IRAK2: variants seen among roughly 807,000 people sequenced by gnomAD.
IRAK2 encodes the protein interleukin 1 receptor associated kinase 2.
A neutral mutation model predicts 72.0 loss-of-function variants in IRAK2; 57 were observed. That is an observed-to-expected ratio of 0.79 (90% CI 0.64 to 0.99). The LOEUF (loss-of-function observed/expected upper bound fraction) is 0.99. Ranked by LOEUF, IRAK2 falls within the 50% of genes least tolerant of loss-of-function variation. The probability of loss-of-function intolerance (pLI) is 0.00; values close to 1 mark genes in which losing one functional copy is unlikely to be tolerated. For synonymous variants in IRAK2, 293 were observed against 312.7 expected, an observed-to-expected ratio of 0.94 and a Z score of 0.67; for missense variants, 790 against 794.4, an observed-to-expected ratio of 0.99 and a Z score of 0.07.
intron 8 of IRAK2, among the ~76,000 whole-genome samples, chr3:10,220,458 T>C (rs1697670309): frequency 3.9e-5 from 6 of 152,164 alleles, no homozygotes; most frequent in Admixed American, 3.3e-4. Flanking sequence ...TTTTTGTTTT[T>C]TGAGACGGAG....
intron 9 of IRAK2, among the ~76,000 whole-genome samples, chr3:10,223,180 A>G (rs991542058): frequency 6.6e-6 from 1 of 152,168 alleles, no homozygotes; most frequent in Non-Finnish European, 1.5e-5. Context: ...AGGTTCTAGT[A>G]GGCTCCAGAT....
chr3:10,202,873 A>G (rs1559446319), intron 3 of IRAK2, among the ~76,000 whole-genome samples: 1 of 151,684 alleles, frequency 6.6e-6, no homozygotes, highest in African/African-American at 2.4e-5. Context: ...TTATTTTTGT[A>G]AAGATGGGAT....
chr3:10,185,410 A>T (rs1697058811), intron 2 of IRAK2, among the ~76,000 whole-genome samples: 1 of 150,456 alleles, frequency 6.6e-6, no homozygotes, highest in South Asian at 2.1e-4. Context: ...ACACAAAATT[A>T]GCCGGGCGTG....
intron 3 of IRAK2, among the ~76,000 whole-genome samples, chr3:10,207,431 G>T (rs530038904): frequency 1.7e-4 from 26 of 152,268 alleles, no homozygotes; most frequent in African/African-American, 6.3e-4. Flanking sequence ...GGCTTCCTAG[G>T]TATTTCCAGA....
rs199769069 is a variant in IRAK2, at chr3:10,165,071, A to G, written c.94+23A>G. On this transcript the variant is annotated intron_variant, in intron 1 of 12. Coordinates refer to ENST00000256458, the MANE Select transcript of IRAK2 (RefSeq NM_001570.4). The stretch of plus-strand genomic sequence containing the variant: ...TCGGTGAGTGCGGCCCGGGGAGGGG[A>G]GGGGACCAGGGCGACCGGAGCCCCC... 1,698 of 1,588,134 alleles carry G rather than the reference A, an allele frequency of 1.1e-3. 10 individuals carry two copies. Among genetic ancestry groups the G allele is most frequent in the African/African-American group, 9.9e-3 (735 of 74,250 alleles).
At chr3:10,211,994 G>A (rs1036897501) in intron 4 of IRAK2, among the ~76,000 whole-genome samples, 9 of 151,620 alleles carry the variant, frequency 5.9e-5, no homozygotes, top group Non-Finnish European at 8.8e-5. Context: ...GAAGGAGAAT[G>A]GCGTGAACCT....
intron 1 of IRAK2, among the ~76,000 whole-genome samples, chr3:10,169,248 G>A (rs145391430): frequency 0.014 from 2,157 of 152,280 alleles, 64 homozygotes; most frequent in South Asian, 0.052. Context: ...CACTGGGCAC[G>A]CATTGTCTTG....
intron 9 of IRAK2, among the ~76,000 whole-genome samples, chr3:10,226,024 A>G (rs1422226921): frequency 6.6e-6 from 1 of 152,182 alleles, no homozygotes; most frequent in Non-Finnish European, 1.5e-5. Context: ...AAATGAAACA[A>G]TCTTTAAAAA....
At chr3:10,219,426 C>T (rs1043831761) in intron 7 of IRAK2, among the ~76,000 whole-genome samples, 11 of 151,720 alleles carry the variant, frequency 7.3e-5, no homozygotes, top group African/African-American at 2.4e-4. Flanking sequence ...TCACGCCATT[C>T]TCCTGCCTCA....
chr3:10,179,623 G>A (rs533192718), intron 2 of IRAK2, among the ~76,000 whole-genome samples: 22 of 151,760 alleles, frequency 1.4e-4, no homozygotes, highest in African/African-American at 5.3e-4. Context: ...TAGTATAGAC[G>A]GGGTTTCACT....
At position 10,200,044 on chromosome 3, in the gene IRAK2, T is replaced by C. The variant is rs780156908; in HGVS notation, c.278-325T>C. ...CTGAGACTACAGCCGTGTGCCACCA[T>C]GCCCAACTAATTTTTGTATTTTTAG... On this transcript the variant is annotated intron_variant, in intron 2 of 12. Transcript: ENST00000256458. Among the ~76,000 whole-genome samples, 36 of 152,012 alleles carry C rather than the reference T, an allele frequency of 2.4e-4. 1 individual carries two copies. Among genetic ancestry groups the C allele is most frequent in the Non-Finnish European group, 5.9e-5 (4 of 68,008 alleles).
chr3:10,181,978 T>C (rs1456940387), intron 2 of IRAK2, among the ~76,000 whole-genome samples: 2 of 150,512 alleles, frequency 1.3e-5, no homozygotes, highest in Admixed American at 1.3e-4. Context: ...TTCTTTTTTT[T>C]TTTTTTTGAG....
intron 1 of IRAK2, among the ~76,000 whole-genome samples, chr3:10,174,932 C>CA (rs771089899): frequency 0.056 from 8,029 of 143,226 alleles, 353 homozygotes; most frequent in African/African-American, 0.11. Context: ...ATGCCTGTAC[C>CA]AAAAAAAAAA....
rs143186097 is a variant in IRAK2, at chr3:10,184,875, G to A, written c.277+6855G>A. Reference sequence around the variant, plus strand: ...CTCCCGAGTAGCTGGGACTACAGGCGCCCGCCACCATGCCCGGCTATTTTT... The same window carrying A: ...CTCCCGAGTAGCTGGGACTACAGGCACCCGCCACCATGCCCGGCTATTTTT... On this transcript the variant is annotated intron_variant, in intron 2 of 12. Transcript: ENST00000256458. 2.4e-3 allele frequency among the ~76,000 whole-genome samples: 360 copies of A among 149,868 alleles called. 3 individuals carry two copies. Among genetic ancestry groups the A allele is most frequent in the Non-Finnish European group, 3.7e-3 (248 of 67,882 alleles).
At chr3:10,166,212 A>G (rs1185896534) in intron 1 of IRAK2, among the ~76,000 whole-genome samples, 1 of 152,256 alleles carries the variant, frequency 6.6e-6, no homozygotes, top group Non-Finnish European at 1.5e-5. Context: ...ATTTATGACT[A>G]TCAACCTGTT....
intron 9 of IRAK2, among the ~76,000 whole-genome samples, chr3:10,225,451 C>T (rs1446248302): frequency 6.6e-6 from 1 of 152,148 alleles, no homozygotes; most frequent in South Asian, 2.1e-4. Context: ...CTGTTCAAAG[C>T]AGTTTCCTGT....
At chr3:10,202,902 C>G (rs1320916506) in intron 3 of IRAK2, among the ~76,000 whole-genome samples, 2 of 152,176 alleles carry the variant, frequency 1.3e-5, no homozygotes, top group Non-Finnish European at 2.9e-5. Flanking sequence ...GTTGCCCAGG[C>G]TGGTCTCGAA....
At chr3:10,175,572 A>G (rs1696860370) in intron 1 of IRAK2, among the ~76,000 whole-genome samples, 1 of 152,016 alleles carries the variant, frequency 6.6e-6, no homozygotes, top group South Asian at 2.1e-4. Context: ...TGGGCAACAT[A>G]GTGAGACCCC....
In IRAK2 at chr3:10,214,871, G is replaced by A. The variant is rs566997242; in HGVS notation, c.788+1323G>A. ...GCACTTTGGGAGGCTGAGGCGAGTG[G>A]ATCACTTAAGTCCAGGAGTTCAAGA... On this transcript the variant is annotated intron_variant, in intron 6 of 12. Transcript: ENST00000256458. Among the ~76,000 whole-genome samples, 169 of 151,962 alleles carry A rather than the reference G, an allele frequency of 1.1e-3. 1 individual carries two copies. Among genetic ancestry groups the A allele is most frequent in the Non-Finnish European group, 2.0e-3 (134 of 67,952 alleles).
Sources: allele counts gnomAD v4.1 joint callset (sites outside exome capture counted in the v4.1 genomes callset), GRCh38; gene constraint gnomAD v4.1.1; transcripts MANE v1.5; gene names NCBI Gene and HGNC (gene_info 2026-07-23, HGNC 2026-07-21).